Variants in LYPD6B observed in about 807,000 individuals in gnomAD.
LYPD6B encodes the protein LY6/PLAUR domain containing 6B, also known as ly6/PLAUR domain-containing protein 6B.
A neutral mutation model predicts 22.8 loss-of-function variants in LYPD6B; 17 were observed. The observed-to-expected ratio is 0.75, with a 90% CI of 0.51 to 1.12. LYPD6B has a LOEUF of 1.12. Ranked by LOEUF, LYPD6B falls within the 50% of genes most tolerant of loss-of-function variation. The pLI is 0.00. For synonymous variants in LYPD6B, 106 were observed against 91.6 expected (o/e 1.16, Z -0.90); for missense variants, 221 against 258.3 (o/e 0.86, Z 0.99).
chr2:149,106,899 T>C (rs1686501165), intron 1 of LYPD6B, among the ~76,000 whole-genome samples: 1 of 152,114 alleles, frequency 6.6e-6, no homozygotes, highest in African/African-American at 2.4e-5. Context: ...AACTTTTTTT[T>C]CAATACCAAT....
chr2:149,055,047 C>G (rs1451644782), intron 1 of LYPD6B, among the ~76,000 whole-genome samples: 1 of 152,010 alleles, frequency 6.6e-6, no homozygotes, highest in African/African-American at 2.4e-5. Flanking sequence ...GATATTTGAT[C>G]TATTTTTAGT....
intron 4 of LYPD6B, among the ~76,000 whole-genome samples, chr2:149,206,565 C>G (rs1234091956): frequency 2.0e-5 from 3 of 151,876 alleles, no homozygotes; most frequent in Non-Finnish European, 4.4e-5. Context: ...AATTTTTAAG[C>G]TTAGTACAAT....
chr2:149,181,339 G>C (rs543826848), intron 3 of LYPD6B, among the ~76,000 whole-genome samples: 147 of 151,442 alleles, frequency 9.7e-4, no homozygotes, highest in African/African-American at 3.5e-3. Context: ...TCCATGTTAA[G>C]TTTGTAAACA....
intron 1 of LYPD6B, among the ~76,000 whole-genome samples, chr2:149,093,403 G>A (rs1196665700): frequency 2.0e-5 from 3 of 152,162 alleles, no homozygotes; most frequent in Non-Finnish European, 4.4e-5. Context: ...ACTGTCAGAT[G>A]TCCTGCAAGT....
chr2:149,160,429 A>C, intron 2 of LYPD6B: 1 of 474,914 alleles, frequency 2.1e-6, no homozygotes, highest in South Asian at 1.5e-5. Flanking sequence ...TGTTGTAGAG[A>C]GTTCTGCCAG....
At chr2:149,160,733 C>T in intron 2 of LYPD6B, 31 bp from the exon 3 acceptor site, 1 of 1,484,904 alleles carries the variant, frequency 6.7e-7, no homozygotes, top group Non-Finnish European at 9.2e-7. Flanking sequence ...TCAGCAGTGG[C>T]TCTTTCCTTA....
rs183915179 is a variant in LYPD6B at position 149,212,531 on chromosome 2, T to C, written c.329-461T>C. ...CCCAGCTCACCACATGGCCTATTAG[T>C]ATACAAGAGAAAAATGATGAGTAAT... On this transcript the variant is annotated intron_variant, in intron 5 of 6. Transcript: ENST00000409642. Among the ~76,000 whole-genome samples, 36 of 152,242 alleles carry C rather than the reference T, an allele frequency of 2.4e-4. 1 individual carries two copies. The East Asian group carries it at 6.4e-3, about 27-fold the overall frequency.
At chr2:149,099,783 G>A (rs1414886305) in intron 1 of LYPD6B, among the ~76,000 whole-genome samples, 2 of 152,212 alleles carry the variant, frequency 1.3e-5, no homozygotes, top group African/African-American at 2.4e-5. Context: ...ACTGAAAATA[G>A]AACTAGCACT....
intron 1 of LYPD6B, among the ~76,000 whole-genome samples, chr2:149,080,464 A>G (rs1469931910): frequency 6.6e-6 from 1 of 152,216 alleles, no homozygotes; most frequent in South Asian, 2.1e-4. Flanking sequence ...AACAGTAGGC[A>G]AGAAGGTCAC....
intron 3 of LYPD6B, among the ~76,000 whole-genome samples, chr2:149,191,308 T>C (rs1325631941): frequency 6.6e-6 from 1 of 152,210 alleles, no homozygotes; most frequent in African/African-American, 2.4e-5. Flanking sequence ...TGTAAAATTA[T>C]TTAATAAAAT....
intron 3 of LYPD6B, among the ~76,000 whole-genome samples, chr2:149,181,022 C>A (rs1247999777): frequency 2.0e-5 from 3 of 152,078 alleles, no homozygotes. Flanking sequence ...GAAGCCTTTA[C>A]CCAAATAAAA....
In LYPD6B at chr2:149,121,874, C is replaced by G. The variant is rs188175891; in HGVS notation, c.-66-9009C>G. 3.0e-3 allele frequency among the ~76,000 whole-genome samples: 455 copies of G among 152,256 alleles called. 1 individual carries two copies. The highest frequency in any genetic ancestry group is 0.01 in the African/African-American group (432 of 41,534). ...AGTGCCTCCCACTGACAGAACCCAA[C>G]CAAAAGTCACCTGGCACAGGACCCT... On this transcript the variant is annotated intron_variant, in intron 1 of 6. Transcript: ENST00000409642.
rs114968798 is a variant in LYPD6B at position 149,156,349 on chromosome 2, A to T, written c.6-4415A>T. On this transcript the variant is annotated intron_variant, in intron 2 of 6. Coordinates refer to ENST00000409642, the MANE Select transcript of LYPD6B (RefSeq NM_177964.5). ...ACAGTGAGGTCCTTGAGTAGGTCAC[A>T]GAGTGTCCCCGTGACCTTTCCAGAC... Among the ~76,000 whole-genome samples the T allele has an allele frequency of 6.4e-3, 975 of 152,292 alleles. 11 individuals carry two copies. The highest frequency in any genetic ancestry group is 0.023 in the African/African-American group (946 of 41,554).
intron 5 of LYPD6B, among the ~76,000 whole-genome samples, chr2:149,211,171 G>T (rs937900409): frequency 5.9e-5 from 9 of 152,126 alleles, no homozygotes; most frequent in Admixed American, 3.9e-4. Context: ...ACAGCACTAA[G>T]GGGATGGCAC....
intron 1 of LYPD6B, among the ~76,000 whole-genome samples, chr2:149,070,365 C>T (rs1250752358): frequency 1.3e-5 from 2 of 152,126 alleles, no homozygotes; most frequent in Admixed American, 6.6e-5. Context: ...TCTGCTGGGG[C>T]TTTGGGATTT....
chr2:149,076,159 T>C (rs1012593795), intron 1 of LYPD6B, among the ~76,000 whole-genome samples: 6 of 152,158 alleles, frequency 3.9e-5, no homozygotes, highest in Admixed American at 1.3e-4. Context: ...TGGAGTAACT[T>C]AATAGCTACC....
At chr2:149,040,672 G>T (rs906027078) in intron 1 of LYPD6B, among the ~76,000 whole-genome samples, 3 of 152,130 alleles carry the variant, frequency 2.0e-5, no homozygotes, top group Non-Finnish European at 2.9e-5. Flanking sequence ...TGTCGGTAGG[G>T]GGCGCAATTC....
Position 149,159,104 on chromosome 2 carries a change from G to A in LYPD6B, c.6-1660G>A, listed in dbSNP as rs371388655. Among the ~76,000 whole-genome samples, 6 of 151,964 alleles carry A rather than the reference G, an allele frequency of 3.9e-5. No homozygotes were observed. In the East Asian group the frequency reaches 7.7e-4, roughly 20 times the overall value. ...CTTTAGTGTGTTGTACTTTGGTGTC[G>A]TATTTCATGTTGTGGGATGCAGTAA... On this transcript the variant is annotated intron_variant, in intron 2 of 6. Transcript: ENST00000409642.
chr2:149,155,292 C>T (rs764430246), intron 2 of LYPD6B, among the ~76,000 whole-genome samples: 13 of 152,228 alleles, frequency 8.5e-5, no homozygotes, highest in Non-Finnish European at 1.5e-4. Context: ...CATTCATGGA[C>T]TGTCTTATCT....
Sources: gnomAD v4.1 joint callset for allele counts (sites outside exome capture counted in the v4.1 genomes callset) on GRCh38, gnomAD v4.1.1 for gene constraint, MANE v1.5 for transcripts, NCBI Gene and HGNC (gene_info 2026-07-23, HGNC 2026-07-21) for gene names.